Variants in GALNTL6 observed in about 807,000 individuals in gnomAD.
GALNTL6 encodes polypeptide N-acetylgalactosaminyltransferase like 6, also known as polypeptide N-acetylgalactosaminyltransferase-like 6.
GALNTL6 carries 46 observed loss-of-function variants against 73.7 expected under a neutral mutation model. The ratio of observed to expected loss-of-function variants is 0.62; its 90% CI spans 0.49 to 0.80. GALNTL6 has a LOEUF of 0.80. Among genes scored for constraint, GALNTL6 ranks in the 30% least tolerant of loss-of-function variants. The pLI is 0.00. For synonymous variants in GALNTL6, 259 were observed against 263.7 expected (o/e 0.98, Z 0.17); for missense variants, 604 against 755.0 (o/e 0.80, Z 2.34).
At chr4:172,153,430 A>C (rs970085540) in intron 2 of GALNTL6, among the ~76,000 whole-genome samples, 2 of 152,224 alleles carry the variant, frequency 1.3e-5, no homozygotes, top group Non-Finnish European at 2.9e-5. Context: ...TAACATGCAG[A>C]TATCTTTTTA....
intron 2 of GALNTL6, among the ~76,000 whole-genome samples, chr4:172,169,566 T>G (rs935625046): frequency 6.6e-6 from 1 of 152,006 alleles, no homozygotes; most frequent in Admixed American, 6.6e-5. Flanking sequence ...CACTTTTGGG[T>G]TTTTTTTAAA....
intron 2 of GALNTL6, among the ~76,000 whole-genome samples, chr4:171,822,084 C>A (rs928804935): frequency 1.3e-5 from 2 of 151,988 alleles, no homozygotes; most frequent in African/African-American, 4.8e-5. Flanking sequence ...TCAATATAAG[C>A]ATTTTTTTTT....
intron 3 of GALNTL6, among the ~76,000 whole-genome samples, chr4:172,246,594 A>G (rs1760356418): frequency 6.6e-6 from 1 of 151,974 alleles, no homozygotes; most frequent in African/African-American, 2.4e-5. Flanking sequence ...CATTCAATGC[A>G]TTATCCAAAC....
At chr4:172,241,387 GA>G (rs948979834) in intron 3 of GALNTL6, among the ~76,000 whole-genome samples, 6 of 151,796 alleles carry the variant, frequency 4.0e-5, no homozygotes, top group African/African-American at 9.7e-5. Context: ...CTTGAATTAA[GA>G]AAAAAAATGT....
chr4:172,006,523 A>T (rs1039463665), intron 2 of GALNTL6, among the ~76,000 whole-genome samples: 1 of 152,116 alleles, frequency 6.6e-6, no homozygotes, highest in African/African-American at 2.4e-5. Flanking sequence ...GCTACTCGGG[A>T]GGCTGAGGTT....
intron 2 of GALNTL6, among the ~76,000 whole-genome samples, chr4:172,208,055 G>C (rs1219789633): frequency 6.6e-6 from 1 of 152,172 alleles, no homozygotes; most frequent in Admixed American, 6.5e-5. Flanking sequence ...TATTTAGACA[G>C]TAGAATTGTG....
chr4:172,221,307 G>A (rs1736668236), intron 2 of GALNTL6, among the ~76,000 whole-genome samples: 1 of 151,618 alleles, frequency 6.6e-6, no homozygotes, highest in South Asian at 2.1e-4. Context: ...GAGAACAACC[G>A]AGAATGCTGT....
intron 6 of GALNTL6, among the ~76,000 whole-genome samples, chr4:172,811,174 T>C (rs1741279790): frequency 6.6e-6 from 1 of 152,210 alleles, no homozygotes. Flanking sequence ...GGCTCATTTT[T>C]CACCTTGGGA....
chr4:172,097,760 A>G (rs1457386387), intron 2 of GALNTL6, among the ~76,000 whole-genome samples: 3 of 152,188 alleles, frequency 2.0e-5, no homozygotes, highest in Non-Finnish European at 4.4e-5. Flanking sequence ...TGATTAAGCT[A>G]CTGTTAACTT....
At chr4:172,547,612 TC>T (rs902827768) in intron 5 of GALNTL6, among the ~76,000 whole-genome samples, 2 of 152,192 alleles carry the variant, frequency 1.3e-5, no homozygotes, top group Non-Finnish European at 2.9e-5. Context: ...TCATTTTTTT[TC>T]CTCCTGAAGA....
At chr4:172,077,002 C>A (rs74724656) in intron 2 of GALNTL6, among the ~76,000 whole-genome samples, 1 of 152,124 alleles carries the variant, frequency 6.6e-6, no homozygotes, top group African/African-American at 2.4e-5. Flanking sequence ...TCTTCTGCCA[C>A]CATGTGAAGA....
intron 10 of GALNTL6, among the ~76,000 whole-genome samples, chr4:172,955,419 C>T (rs1749666253): frequency 6.6e-6 from 1 of 151,462 alleles, no homozygotes; most frequent in Non-Finnish European, 1.5e-5. Flanking sequence ...TGCCACTGCA[C>T]TCCAGCCTGG....
At chr4:172,866,631 C>T (rs1561001850) in intron 7 of GALNTL6, among the ~76,000 whole-genome samples, 4 of 152,186 alleles carry the variant, frequency 2.6e-5, no homozygotes, top group Non-Finnish European at 5.9e-5. Flanking sequence ...AACCAGCCTG[C>T]ACTTACTGCC....
chr4:172,794,203 AAATACATTT>A (rs1387676965), intron 5 of GALNTL6, among the ~76,000 whole-genome samples: 1 of 152,210 alleles, frequency 6.6e-6, no homozygotes, highest in Non-Finnish European at 1.5e-5. Flanking sequence ...TCCATTTTGC[AAATACATTT>A]TACACTCTTT....
intron 5 of GALNTL6, among the ~76,000 whole-genome samples, chr4:172,774,853 G>C (rs148473148): frequency 6.6e-6 from 1 of 151,858 alleles, no homozygotes; most frequent in East Asian, 1.9e-4. Context: ...CCAGCTACTC[G>C]GGAGGCTGAG....
At chr4:171,816,710 TA>T (rs2110794650) in intron 2 of GALNTL6, among the ~76,000 whole-genome samples, 1 of 152,102 alleles carries the variant, frequency 6.6e-6, no homozygotes, top group African/African-American at 2.4e-5. Flanking sequence ...ATTTAAAAGG[TA>T]AAAATTAATT....
intron 2 of GALNTL6, among the ~76,000 whole-genome samples, chr4:171,954,031 G>A (rs1327422647): frequency 1.3e-5 from 2 of 152,192 alleles, no homozygotes; most frequent in African/African-American, 4.8e-5. Context: ...AAACCTTATG[G>A]ACCAGAAAAT....
intron 10 of GALNTL6, among the ~76,000 whole-genome samples, chr4:172,961,028 G>C (rs1359645372): frequency 1.9e-5 from 2 of 107,240 alleles, no homozygotes; most frequent in Non-Finnish European, 3.9e-5. Context: ...CACCAGAAAA[G>C]CGGAGAAGGG....
chr4:172,735,684 T>G (rs906761575), intron 5 of GALNTL6, among the ~76,000 whole-genome samples: 2 of 152,186 alleles, frequency 1.3e-5, no homozygotes, highest in African/African-American at 4.8e-5. Flanking sequence ...AAATCTCATC[T>G]TGAATTGTAG....
Sources: gnomAD v4.1 joint callset for allele counts (sites outside exome capture counted in the v4.1 genomes callset) on GRCh38, gnomAD v4.1.1 for gene constraint, MANE v1.5 for transcripts, NCBI Gene and HGNC (gene_info 2026-07-23, HGNC 2026-07-21) for gene names.